The following TAS2R1 variants were observed in gnomAD, a reference collection of about 807,000 sequenced individuals.
The protein encoded by TAS2R1 is taste 2 receptor member 1, also known as taste receptor type 2 member 1.
For missense variants in TAS2R1, 370 were observed against 353.4 expected, an observed-to-expected ratio of 1.05 and a Z score of -0.38; for synonymous variants, 141 against 134.2, an observed-to-expected ratio of 1.05 and a Z score of -0.35.
the TAS2R1 span, among the ~76,000 whole-genome samples, chr5:9,745,124 C>T: frequency 6.6e-6 from 1 of 152,076 alleles, no homozygotes; most frequent in African/African-American, 2.4e-5. Context: ...TACATTAACC[C>T]CAGCAAGGGA....
the TAS2R1 span, among the ~76,000 whole-genome samples, chr5:9,829,328 T>C: frequency 6.6e-6 from 1 of 152,272 alleles, no homozygotes; most frequent in East Asian, 1.9e-4. Flanking sequence ...AAAGTTCAGC[T>C]CTTCACCATA....
chr5:9,843,205 T>C, the TAS2R1 span, among the ~76,000 whole-genome samples: 3 of 152,226 alleles, frequency 2.0e-5, no homozygotes, highest in Non-Finnish European at 4.4e-5. Flanking sequence ...TTATTTGTGA[T>C]TGAAGTTTTT....
chr5:9,725,409 GGCTGGCCCT>G, the TAS2R1 span, among the ~76,000 whole-genome samples: 21 of 152,324 alleles, frequency 1.4e-4, no homozygotes, highest in Admixed American at 4.6e-4. Context: ...TGGAGCAGCC[GGCTGGCCCT>G]GCTGGCCCTG....
At chr5:9,811,086 C>T in the TAS2R1 span, among the ~76,000 whole-genome samples, 1 of 152,078 alleles carries the variant, frequency 6.6e-6, no homozygotes, top group East Asian at 1.9e-4. Flanking sequence ...GAAGGTGGTC[C>T]TTTTGGGAGA....
At chr5:9,868,541 G>A in the TAS2R1 span, among the ~76,000 whole-genome samples, 1 of 152,180 alleles carries the variant, frequency 6.6e-6, no homozygotes, top group African/African-American at 2.4e-5. Context: ...CCTGGCCCAG[G>A]AAGCCATTTT....
At chr5:9,847,816 G>A in the TAS2R1 span, among the ~76,000 whole-genome samples, 2 of 152,206 alleles carry the variant, frequency 1.3e-5, no homozygotes, top group African/African-American at 4.8e-5. Flanking sequence ...AAGAGTAGCT[G>A]GGGCCTGGGT....
chr5:9,736,045 G>A, the TAS2R1 span, among the ~76,000 whole-genome samples: 25 of 152,220 alleles, frequency 1.6e-4, no homozygotes, highest in African/African-American at 4.8e-4. Context: ...AGAGTATCTC[G>A]TGCTGTTGTT....
the TAS2R1 span, among the ~76,000 whole-genome samples, chr5:9,893,995 C>T: frequency 6.6e-6 from 1 of 152,126 alleles, no homozygotes; most frequent in Non-Finnish European, 1.5e-5. Flanking sequence ...AAGTCCTAAC[C>T]CCCAGTACCT....
At chr5:9,849,822 G>C in the TAS2R1 span, among the ~76,000 whole-genome samples, 1 of 152,210 alleles carries the variant, frequency 6.6e-6, no homozygotes, top group Non-Finnish European at 1.5e-5. Context: ...TGCTGATGCT[G>C]TGGTCTCCCA....
chr5:9,835,629 G>A, the TAS2R1 span, among the ~76,000 whole-genome samples: 110 of 152,294 alleles, frequency 7.2e-4, no homozygotes, highest in Non-Finnish European at 1.1e-3. Flanking sequence ...CAGGGAGCCC[G>A]CATGAAAGAC....
At chr5:9,746,877 T>C in the TAS2R1 span, among the ~76,000 whole-genome samples, 1 of 152,180 alleles carries the variant, frequency 6.6e-6, no homozygotes, top group South Asian at 2.1e-4. Context: ...GGCACATGTA[T>C]ACCTATGAAA....
rs775673801 is a variant in TAS2R1 at position 9,629,462 on chromosome 5, G to A, written c.571C>T (p.Leu191Phe). The A allele has an allele frequency of 6.2e-7, 1 of 1,614,108 alleles. No individual in the cohort carries two copies. The highest frequency in any genetic ancestry group is 1.7e-5 in the Admixed American group (1 of 60,006). ...AEFSVPLLIF[L>F]FAVLLLIFSL... ...AAAATCAAGAGCAAAACAGCAAAAAGGAAGATAAGCAATGGCACTGAGAAC... is the reference window on the plus strand; with the variant it reads ...AAAATCAAGAGCAAAACAGCAAAAAAGAAGATAAGCAATGGCACTGAGAAC... Residue 191 changes from leucine (L) to phenylalanine (F), a missense_variant, in exon 1 of 1, where the codon CTT becomes TTT. Transcript: ENST00000382492.
At chr5:9,898,742 T>C in the TAS2R1 span, among the ~76,000 whole-genome samples, 1 of 152,134 alleles carries the variant, frequency 6.6e-6, no homozygotes, top group Non-Finnish European at 1.5e-5. Context: ...TGAAGGGCAA[T>C]ACTCTAAAGG....
the TAS2R1 span, among the ~76,000 whole-genome samples, chr5:9,769,002 C>A: frequency 6.6e-6 from 1 of 152,244 alleles, no homozygotes; most frequent in Non-Finnish European, 1.5e-5. Flanking sequence ...TTATCAAATG[C>A]TAGATCTTAT....
At chr5:9,846,923 C>A in the TAS2R1 span, among the ~76,000 whole-genome samples, 1 of 152,186 alleles carries the variant, frequency 6.6e-6, no homozygotes, top group Non-Finnish European at 1.5e-5. Context: ...TCAGGTGTAA[C>A]CATGGGCAGC....
chr5:9,797,327 T>TTCAATG, the TAS2R1 span, among the ~76,000 whole-genome samples: 4 of 152,106 alleles, frequency 2.6e-5, 1 homozygote, highest in African/African-American at 9.7e-5. Context: ...CAACATAGAA[T>TTCAATG]TCAATGTCAA....
At chr5:9,756,009 C>T in the TAS2R1 span, among the ~76,000 whole-genome samples, 1 of 152,200 alleles carries the variant, frequency 6.6e-6, no homozygotes, top group Non-Finnish European at 1.5e-5. Flanking sequence ...GCCTAACCAT[C>T]TGGGAATGCA....
chr5:9,705,596 C>T lies in TAS2R1; in HGVS notation c.-242+6576G>A, dbSNP rs575743551. ...AGTGCTGGCCAAGCACGGTGGTTCA[C>T]GCCTGTAATCGCAGCACTTTGGAAG... On this transcript the variant is annotated intron_variant, in intron 1 of 2. Transcript: ENST00000506620. 6.9e-4 allele frequency among the ~76,000 whole-genome samples: 105 copies of T among 152,222 alleles called. No individual in the cohort carries two copies. In the South Asian group the frequency reaches 0.013, roughly 19 times the overall value.
chr5:9,871,431 GA>G, the TAS2R1 span, among the ~76,000 whole-genome samples: 1 of 152,200 alleles, frequency 6.6e-6, no homozygotes, highest in African/African-American at 2.4e-5. Flanking sequence ...GATGATGAAT[GA>G]CTTCCTGGTA....
Sources: allele counts gnomAD v4.1 joint callset (sites outside exome capture counted in the v4.1 genomes callset), GRCh38; gene constraint gnomAD v4.1.1; transcripts MANE v1.5; gene names NCBI Gene and HGNC (gene_info 2026-07-23, HGNC 2026-07-21).